The following CNOT1 variants were observed in gnomAD, a reference collection of about 807,000 sequenced individuals.
CNOT1 encodes CCR4-associated factor 1.
CNOT1 carries 15 observed loss-of-function variants against 273.8 expected under a neutral mutation model. The observed-to-expected ratio is 0.05, with a 90% confidence interval of 0.04 to 0.08. CNOT1 has a LOEUF of 0.08. CNOT1 is among the 10% of genes least tolerant of loss of function. CNOT1 has a pLI of 1.00. For synonymous variants in CNOT1, 1,022 were observed against 1,005.5 expected, an observed-to-expected ratio of 1.02 and a Z score of -0.31; for missense variants, 1,644 against 2,912.2, an observed-to-expected ratio of 0.56 and a Z score of 10.02.
chr16:58,607,063 G>A (rs1291510744), intron 1 of CNOT1, among the ~76,000 whole-genome samples: 2 of 152,090 alleles, frequency 1.3e-5, no homozygotes, highest in African/African-American at 2.4e-5. Context: ...GTCAACAAAA[G>A]TATACTCATG....
intron 1 of CNOT1, among the ~76,000 whole-genome samples, chr16:58,620,540 G>A (rs146240523): frequency 1.9e-4 from 29 of 151,620 alleles, no homozygotes; most frequent in African/African-American, 6.5e-4. Context: ...CTACTCGGCG[G>A]GGATAAGGCA....
chr16:58,612,262 T>C (rs945371802), intron 1 of CNOT1, among the ~76,000 whole-genome samples: 2 of 152,158 alleles, frequency 1.3e-5, no homozygotes, highest in Non-Finnish European at 2.9e-5. Flanking sequence ...CCCAACGCTA[T>C]CAGTTTATTG....
intron 39 of CNOT1, among the ~76,000 whole-genome samples, chr16:58,535,846 G>C (rs2039912124): frequency 6.6e-6 from 1 of 151,670 alleles, no homozygotes; most frequent in Admixed American, 6.6e-5. Flanking sequence ...CCATTCTTCT[G>C]CCTCAGCCTC....
chr16:58,622,421 C>T (rs1202504967), intron 1 of CNOT1, among the ~76,000 whole-genome samples: 1 of 140,344 alleles, frequency 7.1e-6, no homozygotes, highest in Non-Finnish European at 1.5e-5. Context: ...TCTGTACTTT[C>T]TCATCAATTT....
At chr16:58,535,373 T>G (rs577592970) in intron 39 of CNOT1, among the ~76,000 whole-genome samples, 33 of 152,308 alleles carry the variant, frequency 2.2e-4, no homozygotes, top group African/African-American at 7.7e-4. Flanking sequence ...TGAGGAATAT[T>G]AGGACTGAGT....
At chr16:58,602,397 C>A (rs937608472) in intron 1 of CNOT1, among the ~76,000 whole-genome samples, 2 of 151,784 alleles carry the variant, frequency 1.3e-5, no homozygotes, top group South Asian at 2.1e-4. Flanking sequence ...GCTTAAAAAA[C>A]CATCTGTAGG....
At position 58,585,352 on chromosome 16, in the gene CNOT1, A is replaced by G. The variant is rs760468933; in HGVS notation, c.792T>C (p.Tyr264=). ...SLADFMQEVG[Y]GFCASIEECR... is the part of the protein sequence containing the mutation. ...TTACTACCAACCTTGCACAAAAGCC[A>G]TAGCCTACTTCTTGCATGAAATCAG... Residue 264 remains tyrosine (Y), a synonymous_variant, in exon 8 of 49, where the codon TAT becomes TAC. Coordinates refer to ENST00000317147, the MANE Select transcript of CNOT1 (RefSeq NM_016284.5). 6.8e-6 allele frequency: 11 copies of G among 1,613,776 alleles called. No homozygotes were observed. Among genetic ancestry groups the G allele is most frequent in the Non-Finnish European group, 8.5e-7 (1 of 1,180,012 alleles).
rs2042798092 is a variant in CNOT1, at chr16:58,609,172, G to A, written c.-174-9661C>T. ...GTGGATCACGAGGTCAGGAGTTCGAGACCAGCCTGACCAACATGGTGAAAC... is the reference window on the plus strand; with the variant it reads ...GTGGATCACGAGGTCAGGAGTTCGAAACCAGCCTGACCAACATGGTGAAAC... On this transcript the variant is annotated intron_variant, in intron 1 of 48. Transcript: ENST00000317147. Among the ~76,000 whole-genome samples the A allele has an allele frequency of 2.0e-5, 3 of 152,102 alleles. No homozygotes were observed. In the South Asian group the frequency reaches 6.2e-4, roughly 32 times the overall value.
At chr16:58,589,659 G>GT (rs969215775) in intron 2 of CNOT1, among the ~76,000 whole-genome samples, 6 of 151,330 alleles carry the variant, frequency 4.0e-5, no homozygotes, top group Middle Eastern at 3.2e-3. Context: ...GTAACAAAAG[G>GT]TTTTTTTTTA....
intron 18 of CNOT1, among the ~76,000 whole-genome samples, chr16:58,558,167 G>T (rs756940235): frequency 6.6e-6 from 1 of 152,064 alleles, no homozygotes; most frequent in Non-Finnish European, 1.5e-5. Flanking sequence ...GTGAGTTTTT[G>T]ATCTAAGCCC....
At chr16:58,531,384 T>C (rs183351382) in intron 42 of CNOT1, among the ~76,000 whole-genome samples, 177 of 152,364 alleles carry the variant, frequency 1.2e-3, no homozygotes, top group African/African-American at 4.2e-3. Flanking sequence ...AAACTTATCA[T>C]GTTAACTGTG....
At chr16:58,577,270 T>G (rs1272101926) in intron 13 of CNOT1, among the ~76,000 whole-genome samples, 3 of 152,208 alleles carry the variant, frequency 2.0e-5, no homozygotes, top group Non-Finnish European at 4.4e-5. Flanking sequence ...AGAACAAGTA[T>G]TCAATCACAA....
At chr16:58,572,392 C>A (rs919896466) in intron 16 of CNOT1, among the ~76,000 whole-genome samples, 3 of 152,124 alleles carry the variant, frequency 2.0e-5, no homozygotes, top group Admixed American at 2.0e-4. Flanking sequence ...CGCAGCACTT[C>A]TGGAGGCCAA....
intron 1 of CNOT1, among the ~76,000 whole-genome samples, chr16:58,611,679 G>T (rs1348619406): frequency 1.3e-5 from 2 of 151,734 alleles, no homozygotes; most frequent in Non-Finnish European, 2.9e-5. Flanking sequence ...AAATTAGCTG[G>T]GTGTGGTGGC....
rs2043341647 is a variant in CNOT1, at chr16:58,621,923, AAAAAAAAAAAAG to A, written c.-175+7793_-175+7804del. 6.0e-5 allele frequency among the ~76,000 whole-genome samples: 9 copies of A among 149,638 alleles called. No individual in the cohort carries two copies. The South Asian group carries it at 1.9e-3, about 32-fold the overall frequency. On this transcript the variant is annotated intron_variant, in intron 1 of 48. Coordinates refer to ENST00000317147, the MANE Select transcript of CNOT1 (RefSeq NM_016284.5). ...GAGACTCCGTCTCAAAAAAAAAAAA[AAAAAAAAAAAAG>A]AAGATACACCACCAAGAGTGAATTC...
chr16:58,592,317 C>A (rs1243110342), intron 2 of CNOT1, among the ~76,000 whole-genome samples: 1 of 151,954 alleles, frequency 6.6e-6, no homozygotes, highest in African/African-American at 2.4e-5. Flanking sequence ...AAATGTTTGT[C>A]TTTAATTACT....
At chr16:58,573,230 C>CG in intron 16 of CNOT1, among the ~76,000 whole-genome samples, 1 of 149,754 alleles carries the variant, frequency 6.7e-6, no homozygotes, top group East Asian at 2.0e-4. Flanking sequence ...CACTTGAACC[C>CG]GGGAGGCAGA....
chr16:58,600,403 T>A (rs1360520767), intron 1 of CNOT1, among the ~76,000 whole-genome samples: 1 of 152,206 alleles, frequency 6.6e-6, no homozygotes, highest in Non-Finnish European at 1.5e-5. Context: ...ATTTCTATTT[T>A]ACCTATTTCA....
At chr16:58,608,333 T>C (rs1274711447) in intron 1 of CNOT1, among the ~76,000 whole-genome samples, 9 of 152,106 alleles carry the variant, frequency 5.9e-5, no homozygotes, top group African/African-American at 2.2e-4. Flanking sequence ...AGAAGGCAGA[T>C]AACTTTAGGT....
Sources: gnomAD v4.1 joint callset for allele counts (sites outside exome capture counted in the v4.1 genomes callset) on GRCh38, gnomAD v4.1.1 for gene constraint, MANE v1.5 for transcripts, NCBI Gene and HGNC (gene_info 2026-07-23, HGNC 2026-07-21) for gene names.